PALB2: variants seen among roughly 807,000 people sequenced by gnomAD.
PALB2 encodes mutant partner and localizer of BRCA2.
A neutral mutation model predicts 107.4 loss-of-function variants in PALB2; 82 were observed. The observed-to-expected ratio is 0.76, with a 90% CI of 0.64 to 0.92. The LOEUF (loss-of-function observed/expected upper bound fraction) is 0.92. PALB2 is among the 40% of genes least tolerant of loss of function. The probability of loss-of-function intolerance (pLI) is 0.00; values close to 1 mark genes in which losing one functional copy is unlikely to be tolerated. For missense variants in PALB2, 1,374 were observed against 1,379.9 expected (o/e 1.00, Z 0.07); for synonymous variants, 489 against 496.8 (o/e 0.98, Z 0.21).
At chr16:23,608,105 A>AAG in intron 11 of PALB2, 93 bp from the exon 12 acceptor site, 1 of 1,344,820 alleles carries the variant, frequency 7.4e-7, no homozygotes, top group Admixed American at 1.9e-5. Context: ...CAAACAATTA[A>AAG]AGCAATGACC....
intron 1 of PALB2, among the ~76,000 whole-genome samples, chr16:23,639,399 G>T (rs1028731737): frequency 1.3e-5 from 2 of 151,798 alleles, no homozygotes; most frequent in Non-Finnish European, 2.9e-5. Context: ...CGGGTGTGGT[G>T]GTGGGTGCCT....
chr16:23,641,117 T>C lies in PALB2; in HGVS notation c.41A>G (p.Lys14Arg), dbSNP rs1555462506. 6.2e-7 allele frequency: 1 copy of C among 1,613,548 alleles called. No individual in the cohort carries two copies. The highest frequency in any genetic ancestry group is 8.5e-7 in the Non-Finnish European group (1 of 1,179,828). The part of the protein sequence containing the change: ...PPGKPLSCEE[K>R]EKLKEKLAFL... ...TTCCCGCACCCCCGGCACCTTTTCC[T>C]TCTCCTCACAGCTGAGGGGCTTCCC... Residue 14 changes from lysine to arginine, a missense_variant, in exon 1 of 13, where the codon AAG becomes AGG. By Grantham distance (26) the Lys-to-Arg change is conservative. Coordinates refer to ENST00000261584, the MANE Select transcript of PALB2 (RefSeq NM_024675.4).
chr16:23,623,908 G>C (rs1966820876), intron 8 of PALB2, 101 bp downstream of exon 8: 4 of 782,536 alleles, frequency 5.1e-6, no homozygotes, highest in Admixed American at 2.1e-5. Context: ...AGATCTTTCA[G>C]ATTCTTTCAA....
chr16:23,634,639 TTTTA>T lies in PALB2; in HGVS notation c.1684+219_1684+222del, dbSNP rs60066032. Among the ~76,000 whole-genome samples the T allele has an allele frequency of 0.089, 13,026 of 146,806 alleles. 768 individuals carry two copies. Among genetic ancestry groups the T allele is most frequent in the Non-Finnish European group, 0.12 (8,023 of 66,796 alleles). On this transcript the variant is annotated intron_variant, in intron 4 of 12. Transcript: ENST00000261584. ...CAACAGTGAGCCCCTGTCTCTTTAT[TTTTA>T]TTTATTTATTTATTTATTTATTTAT...
intron 10 of PALB2, among the ~76,000 whole-genome samples, chr16:23,618,157 G>A (rs1033780939): frequency 6.6e-6 from 1 of 151,510 alleles, no homozygotes; most frequent in Non-Finnish European, 1.5e-5. Flanking sequence ...AAATTAGCAG[G>A]GCATGATGCT....
Position 23,603,241 on chromosome 16 carries a change from T to A in PALB2, c.*218A>T, listed in dbSNP as rs573324431. On this transcript the variant is annotated 3_prime_UTR_variant, in exon 13 of 13. Coordinates refer to ENST00000261584, the MANE Select transcript of PALB2 (RefSeq NM_024675.4). ...AAGCACATGTACAAATGTGGGAAAT[T>A]ACAAAAATCAACCTAAAACCCTTTT... The A allele has an allele frequency of 8.6e-5, 45 of 523,376 alleles. No homozygotes were observed. The South Asian group carries it at 9.7e-4, about 11-fold the overall frequency. The allele number at this position is 523,376 out of a possible 1,614,324, so 32.4% of individuals were successfully genotyped here. A position where few individuals can be genotyped will look rare whatever the true frequency, so the allele number is the denominator to read the frequency against.
intron 1 of PALB2, chr16:23,638,485 G>C (rs1967122090): frequency 3.0e-5 from 14 of 463,186 alleles, no homozygotes; most frequent in South Asian, 2.3e-4. Flanking sequence ...TATGTTCTCT[G>C]TTTCTCCCCA....
rs529894848 is a variant in PALB2 at position 23,634,970 on chromosome 16, G to A, written c.1576C>T (p.His526Tyr). 6.2e-7 allele frequency: 1 copy of A among 1,614,194 alleles called. No homozygotes were observed. The highest frequency in any genetic ancestry group is 1.1e-5 in the South Asian group (1 of 91,082). The change falls in exon 4 of 13, where the codon CAT becomes TAT. Residue 526 changes from histidine to tyrosine, a missense_variant. By Grantham distance (83) the His-to-Tyr change is moderately conservative. Transcript: ENST00000261584. ...GAAGTTGGCAAAAGTGGTTCACAAT[G>A]ATCTGATGCTGGGGTGCAGGCTGAT... ...RKSACTPASDHCEPLLPTSSL... is the reference protein window; with the variant it reads ...RKSACTPASDYCEPLLPTSSL...
Position 23,632,162 on chromosome 16 carries a change from G to A in PALB2, c.1685-1693C>T, listed in dbSNP as rs112599543. On this transcript the variant is annotated intron_variant, in intron 4 of 12. Transcript: ENST00000261584. The stretch of plus-strand genomic sequence containing the variant: ...TACCTTAAAAACATTATGCTAAGTG[G>A]CCAGGCTCAGTGGCTCACACCTATA... Among the ~76,000 whole-genome samples the A allele has an allele frequency of 1.9e-3, 292 of 152,308 alleles. 1 individual carries two copies. The highest frequency in any genetic ancestry group is 3.3e-3 in the Non-Finnish European group (226 of 68,030).
At position 23,623,940 on chromosome 16, in the gene PALB2, C is replaced by T. The variant is rs549303888; in HGVS notation, c.2834+69G>A. On this transcript the variant is annotated intron_variant, in intron 8 of 12. Coordinates refer to ENST00000261584, the MANE Select transcript of PALB2 (RefSeq NM_024675.4). The stretch of plus-strand genomic sequence containing the variant: ...TCAAGACTCAAGCCTAGGTTATTAC[C>T]TGCACTTAAAACCAGCTGACAGAGA... 1.6e-4 allele frequency: 163 copies of T among 1,021,368 alleles called. No homozygotes were observed. The Middle Eastern group carries it at 2.4e-3, about 15-fold the overall frequency. 63.3% of individuals were successfully genotyped at this position (1,021,368 alleles called of 1,614,324 possible). A position where few individuals can be genotyped will look rare whatever the true frequency, so the allele number is the denominator to read the frequency against.
At position 23,624,154 on chromosome 16, in the gene PALB2, A is replaced by T. The variant is rs904546194; in HGVS notation, c.2749-60T>A. ...GTTGTTTCATTTTTGTTTAATCCAG[A>T]TTTTCCAAAATTTATCACATTCTTT... On this transcript the variant is annotated intron_variant, in intron 7 of 12. Transcript: ENST00000261584. The T allele has an allele frequency of 3.4e-5, 39 of 1,164,040 alleles. No homozygotes were observed. In the Admixed American group the frequency reaches 7.0e-4, roughly 21 times the overall value. The allele number at this position is 1,164,040 out of a possible 1,614,324, so 72.1% of individuals were successfully genotyped here. A position where few individuals can be genotyped will look rare whatever the true frequency, so the allele number is the denominator to read the frequency against.
chr16:23,627,864 A>G (rs1000575618), intron 6 of PALB2, among the ~76,000 whole-genome samples: 14 of 152,250 alleles, frequency 9.2e-5, no homozygotes, highest in Admixed American at 8.5e-4. Context: ...TTAATAATCT[A>G]TAAGAAGTAA....
rs2142335769 is a variant in PALB2, at chr16:23,623,034, T to C, written c.2931A>G (p.Leu977=). 1 of 1,614,118 alleles carries C rather than the reference T, an allele frequency of 6.2e-7. No homozygotes were observed. The highest frequency in any genetic ancestry group is 8.5e-7 in the Non-Finnish European group (1 of 1,180,008). Residue 977 remains leucine (L), a synonymous_variant, in exon 9 of 13, where the codon CTA becomes CTG. Transcript: ENST00000261584. Reference sequence around the variant, plus strand: ...CAGAAAGGGTCCCACTGCTACTAACTAGCCTCCTCTTTGTCAGGCCAAGCA... The same window carrying C: ...CAGAAAGGGTCCCACTGCTACTAACCAGCCTCCTCTTTGTCAGGCCAAGCA... ...KAVLGLTKRR[L]VSSSGTLSDQ...
At chr16:23,624,644 G>C (rs1966835827) in intron 7 of PALB2, among the ~76,000 whole-genome samples, 1 of 152,186 alleles carries the variant, frequency 6.6e-6, no homozygotes, top group Admixed American at 6.5e-5. Flanking sequence ...CTCCTGAGTA[G>C]CTGGGATTAC....
intron 12 of PALB2, 94 bp downstream of exon 12, chr16:23,607,770 A>G (rs1966503217): frequency 7.0e-7 from 1 of 1,426,042 alleles, no homozygotes; most frequent in Admixed American, 1.7e-5. Flanking sequence ...CATGTTTTCC[A>G]TTCTTCTAAG....
chr16:23,624,764 G>C (rs1019403311), intron 7 of PALB2, among the ~76,000 whole-genome samples: 1 of 152,172 alleles, frequency 6.6e-6, no homozygotes, highest in Admixed American at 6.5e-5. Flanking sequence ...ACCCACCTCA[G>C]CCTCTCAAAG....
chr16:23,631,095 C>A, intron 4 of PALB2, among the ~76,000 whole-genome samples: 1 of 141,724 alleles, frequency 7.1e-6, no homozygotes, highest in Non-Finnish European at 1.5e-5. Context: ...GAAACCCCGT[C>A]TCTACTAAAA....
intron 6 of PALB2, among the ~76,000 whole-genome samples, chr16:23,628,620 C>A (rs527526558): frequency 1.3e-5 from 2 of 152,222 alleles, no homozygotes; most frequent in Non-Finnish European, 2.9e-5. Flanking sequence ...CATTTCACTC[C>A]GTCAAAATGC....
At chr16:23,636,993 T>G (rs1242828952) in intron 3 of PALB2, among the ~76,000 whole-genome samples, 2 of 151,914 alleles carry the variant, frequency 1.3e-5, no homozygotes, top group Non-Finnish European at 2.9e-5. Context: ...CTCACACCTG[T>G]AATCCCAGCA....
Sources: allele counts gnomAD v4.1 joint callset (sites outside exome capture counted in the v4.1 genomes callset), GRCh38; gene constraint gnomAD v4.1.1; transcripts MANE v1.5; gene names NCBI Gene and HGNC (gene_info 2026-07-23, HGNC 2026-07-21).